NFIA: variants seen among roughly 807,000 people sequenced by gnomAD.
NFIA encodes nuclear factor I A.
In NFIA, 8 loss-of-function variants were observed where a neutral mutation model predicts 62.8. The ratio of observed to expected loss-of-function variants is 0.13; its 90% CI spans 0.07 to 0.23. NFIA has a LOEUF of 0.23. Among genes scored for constraint, NFIA ranks in the 10% least tolerant of loss-of-function variants. The pLI is 1.00. For missense variants in NFIA, 410 were observed against 642.1 expected (o/e 0.64, Z 3.91); for synonymous variants, 235 against 238.1 (o/e 0.99, Z 0.12).
intron 2 of NFIA, among the ~76,000 whole-genome samples, chr1:61,129,043 C>T (rs944586376): frequency 1.3e-5 from 2 of 149,938 alleles, no homozygotes; most frequent in African/African-American, 2.5e-5. Context: ...CTGCCTCAGC[C>T]TCCTGAGTAG....
At chr1:61,254,036 C>T (rs770494896) in intron 2 of NFIA, among the ~76,000 whole-genome samples, 2 of 152,002 alleles carry the variant, frequency 1.3e-5, no homozygotes, top group Non-Finnish European at 2.9e-5. Flanking sequence ...GTGAGACATA[C>T]TGGTTAGCTC....
At chr1:61,309,084 T>C (rs1659951801) in intron 3 of NFIA, among the ~76,000 whole-genome samples, 1 of 152,190 alleles carries the variant, frequency 6.6e-6, no homozygotes, top group Admixed American at 6.5e-5. Context: ...GTGAATACTC[T>C]ATAGAGTTTT....
rs1424619367 is a variant in NFIA at position 61,429,882 on chromosome 1, T to C, written c.1512+3326T>C. Among the ~76,000 whole-genome samples, 8 of 152,280 alleles carry C rather than the reference T, an allele frequency of 5.3e-5. No individual in the cohort carries two copies. The East Asian group carries it at 1.5e-3, about 29-fold the overall frequency. On this transcript the variant is annotated intron_variant, in intron 10 of 10. Transcript: ENST00000403491. ...CCTAGAGTAGTCAAATTCATAGAAA[T>C]GCAAAGTAGAGTAGTGGCTGCCAGG...
chr1:61,114,326 A>ATT (rs951837302), intron 2 of NFIA, among the ~76,000 whole-genome samples: 1 of 146,484 alleles, frequency 6.8e-6, no homozygotes, highest in African/African-American at 2.5e-5. Context: ...TCTTAAAAAA[A>ATT]TTTTTTTTTT....
At chr1:61,242,647 A>G (rs1287299876) in intron 2 of NFIA, among the ~76,000 whole-genome samples, 2 of 152,198 alleles carry the variant, frequency 1.3e-5, no homozygotes, top group African/African-American at 4.8e-5. Context: ...CCAGGCAGTT[A>G]GTTTAGTCAG....
intron 3 of NFIA, among the ~76,000 whole-genome samples, chr1:61,319,234 A>T (rs1365904872): frequency 2.0e-5 from 3 of 152,176 alleles, no homozygotes; most frequent in African/African-American, 7.2e-5. Flanking sequence ...TCTTGTGTTT[A>T]TGTTTGGCAA....
chr1:61,339,526 A>G (rs1293436967), intron 4 of NFIA, among the ~76,000 whole-genome samples: 3 of 152,228 alleles, frequency 2.0e-5, no homozygotes, highest in Middle Eastern at 3.2e-3. Context: ...ACTCGTAGGA[A>G]GAAAAATAAC....
At chr1:61,260,209 T>G (rs893447624) in intron 2 of NFIA, among the ~76,000 whole-genome samples, 1 of 152,366 alleles carries the variant, frequency 6.6e-6, no homozygotes, top group Non-Finnish European at 1.5e-5. Flanking sequence ...CTGAAGGACA[T>G]GACACCTATT....
At chr1:61,084,816 C>G (rs1420922875) in intron 1 of NFIA, among the ~76,000 whole-genome samples, 3 of 151,346 alleles carry the variant, frequency 2.0e-5, no homozygotes, top group African/African-American at 7.3e-5. Context: ...AAGTTGGCCT[C>G]TGTTGGTTCA....
chr1:61,251,874 A>G (rs535496287), intron 2 of NFIA, among the ~76,000 whole-genome samples: 1 of 152,130 alleles, frequency 6.6e-6, no homozygotes, highest in African/African-American at 2.4e-5. Flanking sequence ...TAAGCTGACT[A>G]TTTTTCGTGT....
At chr1:61,201,957 A>C (rs544417236) in intron 2 of NFIA, among the ~76,000 whole-genome samples, 2 of 152,268 alleles carry the variant, frequency 1.3e-5, no homozygotes, top group South Asian at 4.2e-4. Flanking sequence ...TTAAAAAAAA[A>C]ACACTCAGAT....
chr1:61,199,499 T>C (rs934832053), intron 2 of NFIA, among the ~76,000 whole-genome samples: 2 of 152,164 alleles, frequency 1.3e-5, no homozygotes, highest in African/African-American at 4.8e-5. Context: ...TCCAATCTTA[T>C]GTACCGTATC....
chr1:61,129,532 C>G (rs183094594), intron 2 of NFIA, among the ~76,000 whole-genome samples: 2 of 148,668 alleles, frequency 1.3e-5, no homozygotes, highest in East Asian at 4.0e-4. Context: ...TCACTGCAGC[C>G]TCCATCTCCC....
At chr1:61,240,221 C>T (rs1035010719) in intron 2 of NFIA, among the ~76,000 whole-genome samples, 1 of 152,082 alleles carries the variant, frequency 6.6e-6, no homozygotes, top group Admixed American at 6.5e-5. Flanking sequence ...GTAAAAAGCA[C>T]TGCAGTAGTG....
chr1:61,204,638 A>G (rs1190091092), intron 2 of NFIA, among the ~76,000 whole-genome samples: 2 of 152,096 alleles, frequency 1.3e-5, no homozygotes, highest in Admixed American at 6.6e-5. Context: ...GGGTATTTGT[A>G]TTATGTCTGC....
At chr1:61,337,097 A>G (rs1253780432) in intron 4 of NFIA, among the ~76,000 whole-genome samples, 3 of 152,192 alleles carry the variant, frequency 2.0e-5, no homozygotes, top group East Asian at 3.9e-4. Flanking sequence ...GTTGTTTTTA[A>G]TAGCGTTACT....
chr1:61,182,217 G>A (rs559843608), intron 2 of NFIA, among the ~76,000 whole-genome samples: 21 of 152,276 alleles, frequency 1.4e-4, no homozygotes, highest in Admixed American at 1.2e-3. Flanking sequence ...GGCAGCAGGA[G>A]GAAGCATCTT....
chr1:61,431,355 T>G (rs1024124512), intron 10 of NFIA, among the ~76,000 whole-genome samples: 1 of 152,218 alleles, frequency 6.6e-6, no homozygotes, highest in African/African-American at 2.4e-5. Flanking sequence ...TTAAATAAAA[T>G]GCTTAATCTA....
intron 4 of NFIA, among the ~76,000 whole-genome samples, chr1:61,350,095 G>A (rs573085312): frequency 3.2e-4 from 49 of 152,098 alleles, no homozygotes; most frequent in Non-Finnish European, 6.0e-4. Context: ...ATCTTTCTAG[G>A]TGATAAATGC....
Sources: allele counts gnomAD v4.1 joint callset (sites outside exome capture counted in the v4.1 genomes callset), GRCh38; gene constraint gnomAD v4.1.1; transcripts MANE v1.5; gene names NCBI Gene and HGNC (gene_info 2026-07-23, HGNC 2026-07-21).